The following CACNB2 variants were observed in gnomAD, a reference collection of about 807,000 sequenced individuals.
CACNB2 encodes the protein calcium voltage-gated channel auxiliary subunit beta 2, also known as voltage-dependent L-type calcium channel subunit beta-2.
Under a neutral mutation model 73.3 loss-of-function variants are expected in CACNB2, and 42 were observed. That is an observed-to-expected ratio of 0.57 (90% confidence interval 0.45 to 0.74). The LOEUF is 0.74. Among genes scored for constraint, CACNB2 ranks in the 30% least tolerant of loss-of-function variants. The pLI is 0.00. For synonymous variants in CACNB2, 348 were observed against 310.3 expected (o/e 1.12, Z -1.28); for missense variants, 940 against 853.0 (o/e 1.10, Z -1.27).
At chr10:18,369,340 T>A (rs1392231916) in intron 2 of CACNB2, among the ~76,000 whole-genome samples, 1 of 152,224 alleles carries the variant, frequency 6.6e-6, no homozygotes, top group Non-Finnish European at 1.5e-5. Context: ...TATTTTTGAA[T>A]ATTTAAAATA....
At chr10:18,396,839 C>T (rs1445030327) in intron 2 of CACNB2, among the ~76,000 whole-genome samples, 1 of 152,142 alleles carries the variant, frequency 6.6e-6, no homozygotes, top group Non-Finnish European at 1.5e-5. Flanking sequence ...GGGTCAGCAT[C>T]GTCCTATGCA....
At chr10:18,275,388 C>G (rs374899757) in intron 2 of CACNB2, among the ~76,000 whole-genome samples, 1 of 152,134 alleles carries the variant, frequency 6.6e-6, no homozygotes, top group African/African-American at 2.4e-5. Flanking sequence ...GGGATAGATA[C>G]AAGAGACTCC....
At chr10:18,320,277 TAC>T (rs1471427371) in intron 2 of CACNB2, among the ~76,000 whole-genome samples, 2 of 152,244 alleles carry the variant, frequency 1.3e-5, no homozygotes, top group East Asian at 3.8e-4. Context: ...GCTTTTGTCT[TAC>T]TCATCTTCAG....
chr10:18,348,027 T>C (rs542542293), intron 2 of CACNB2, among the ~76,000 whole-genome samples: 8 of 152,234 alleles, frequency 5.3e-5, no homozygotes, highest in Admixed American at 1.3e-4. Context: ...CACCCAAATA[T>C]AACAATATAG....
At chr10:18,157,252 G>A (rs982521556) in intron 2 of CACNB2, among the ~76,000 whole-genome samples, 10 of 152,208 alleles carry the variant, frequency 6.6e-5, no homozygotes, top group Non-Finnish European at 1.0e-4. Context: ...TCTTCAAGAA[G>A]CTGGTTAGTG....
intron 2 of CACNB2, among the ~76,000 whole-genome samples, chr10:18,205,350 TAC>T (rs1329652432): frequency 6.6e-6 from 1 of 152,208 alleles, no homozygotes; most frequent in African/African-American, 2.4e-5. Context: ...ATTTATAAAG[TAC>T]TAAGCGCAGC....
intron 2 of CACNB2, among the ~76,000 whole-genome samples, chr10:18,367,683 T>C (rs186187888): frequency 7.9e-5 from 12 of 152,294 alleles, no homozygotes; most frequent in African/African-American, 2.9e-4. Flanking sequence ...TCAATACACA[T>C]AGCAAAACAG....
rs2033725943 is a variant in CACNB2, at chr10:18,178,694, G to A, written c.213+27719G>A. ...AAGGGTGCCTCTTAGATGGAAGGTT[G>A]AGCAGATATTCGGTGAAATATGAAT... On this transcript the variant is annotated intron_variant, in intron 2 of 13. Transcript: ENST00000324631. Among the ~76,000 whole-genome samples the A allele has an allele frequency of 2.6e-5, 4 of 152,320 alleles. No homozygotes were observed. In the South Asian group the frequency reaches 8.3e-4, roughly 32 times the overall value.
At chr10:18,215,443 G>T (rs1330684198) in intron 2 of CACNB2, among the ~76,000 whole-genome samples, 1 of 152,092 alleles carries the variant, frequency 6.6e-6, no homozygotes, top group African/African-American at 2.4e-5. Context: ...CCAATCTGAG[G>T]ATTTGCAAAG....
At chr10:18,387,307 A>G (rs1323412121) in intron 2 of CACNB2, among the ~76,000 whole-genome samples, 1 of 152,072 alleles carries the variant, frequency 6.6e-6, no homozygotes, top group Non-Finnish European at 1.5e-5. Context: ...ATAGTGTCCC[A>G]TGGCTTTCCT....
At chr10:18,189,800 A>G (rs546207498) in intron 2 of CACNB2, among the ~76,000 whole-genome samples, 3 of 152,192 alleles carry the variant, frequency 2.0e-5, no homozygotes, top group Non-Finnish European at 4.4e-5. Flanking sequence ...ACACTGGACC[A>G]GTTTAGATCA....
At chr10:18,340,757 G>A in intron 2 of CACNB2, 2 of 1,522,914 alleles carry the variant, frequency 1.3e-6, no homozygotes, top group Non-Finnish European at 1.7e-6. Context: ...ACGAACTTTA[G>A]AAAGTCACAC....
At chr10:18,391,653 G>A (rs12248469) in intron 2 of CACNB2, among the ~76,000 whole-genome samples, 2,204 of 152,164 alleles carry the variant, frequency 0.014, 52 homozygotes, top group African/African-American at 0.05. Context: ...TAGGCTGGGC[G>A]TGGTGGCTCA....
intron 2 of CACNB2, among the ~76,000 whole-genome samples, chr10:18,233,024 G>T (rs1400539879): frequency 3.3e-5 from 5 of 152,184 alleles, no homozygotes; most frequent in Non-Finnish European, 7.4e-5. Flanking sequence ...GGTCAAGGCT[G>T]CAGTGAACCA....
chr10:18,261,207 G>C, intron 2 of CACNB2: 4 of 1,549,850 alleles, frequency 2.6e-6, no homozygotes, highest in Non-Finnish European at 3.5e-6. Flanking sequence ...AGGCTGTGAC[G>C]AGAAGACAAG....
chr10:18,382,486 C>G (rs2132380124), intron 2 of CACNB2, among the ~76,000 whole-genome samples: 1 of 152,144 alleles, frequency 6.6e-6, no homozygotes, highest in South Asian at 2.1e-4. Context: ...AACCCATCAC[C>G]TAGGTATGAA....
intron 2 of CACNB2, among the ~76,000 whole-genome samples, chr10:18,378,687 G>A (rs1457413698): frequency 6.6e-6 from 1 of 152,104 alleles, no homozygotes; most frequent in East Asian, 1.9e-4. Flanking sequence ...GAAGGCCAAG[G>A]CTGGAGTGAG....
intron 3 of CACNB2, among the ~76,000 whole-genome samples, chr10:18,414,595 C>T (rs1424121183): frequency 6.6e-6 from 1 of 151,518 alleles, no homozygotes; most frequent in Non-Finnish European, 1.5e-5. Context: ...AGCAATTCTC[C>T]TGCCTCAGCC....
At chr10:18,255,144 G>A (rs1310193190) in intron 2 of CACNB2, among the ~76,000 whole-genome samples, 4 of 152,140 alleles carry the variant, frequency 2.6e-5, no homozygotes, top group Non-Finnish European at 4.4e-5. Flanking sequence ...TTGTGGGAAA[G>A]AAATCCCACT....
Sources: gnomAD v4.1 joint callset for allele counts (sites outside exome capture counted in the v4.1 genomes callset) on GRCh38, gnomAD v4.1.1 for gene constraint, MANE v1.5 for transcripts, NCBI Gene and HGNC (gene_info 2026-07-23, HGNC 2026-07-21) for gene names.